GALNT6: variants seen among roughly 807,000 people sequenced by gnomAD.
GALNT6 encodes the protein polypeptide N-acetylgalactosaminyltransferase 6, also known as GalNAc transferase 6.
GALNT6 carries 51 observed loss-of-function variants against 65.9 expected under a neutral mutation model. That is an observed-to-expected ratio of 0.77 (90% CI 0.62 to 0.98). The LOEUF (loss-of-function observed/expected upper bound fraction) is 0.98. GALNT6 is among the 50% of genes least tolerant of loss of function. The pLI, the probability that GALNT6 is intolerant of heterozygous loss-of-function variation, is 0.00. For synonymous variants in GALNT6, 323 were observed against 315.1 expected (o/e 1.02, Z -0.26); for missense variants, 708 against 803.3 (o/e 0.88, Z 1.43).
intron 4 of GALNT6, among the ~76,000 whole-genome samples, chr12:51,372,475 C>A (rs186121297): frequency 6.6e-6 from 1 of 152,300 alleles, no homozygotes; most frequent in East Asian, 1.9e-4. Flanking sequence ...TCCCAAAGTG[C>A]TGGGATTACA....
intron 5 of GALNT6, among the ~76,000 whole-genome samples, chr12:51,364,814 T>C (rs1160141419): frequency 6.6e-6 from 1 of 152,264 alleles, no homozygotes; most frequent in Admixed American, 6.5e-5. Flanking sequence ...CTTCTGCACG[T>C]ATTATTACTT....
At chr12:51,388,014 T>G (rs1242077304) in intron 2 of GALNT6, among the ~76,000 whole-genome samples, 1 of 152,176 alleles carries the variant, frequency 6.6e-6, no homozygotes, top group Non-Finnish European at 1.5e-5. Flanking sequence ...CAGCCTCCTC[T>G]GCTAGCCAGC....
intron 4 of GALNT6, among the ~76,000 whole-genome samples, chr12:51,367,370 G>A (rs953800747): frequency 2.6e-5 from 4 of 152,214 alleles, no homozygotes; most frequent in African/African-American, 9.6e-5. Flanking sequence ...AGGAGGTGGA[G>A]GTTGCAGTGA....
In GALNT6 at chr12:51,379,703, G is replaced by A. The variant is rs759939179; in HGVS notation, c.79C>T (p.Leu27=). The A allele has an allele frequency of 2.5e-6, 4 of 1,614,054 alleles. No homozygotes were observed. The highest frequency in any genetic ancestry group is 3.4e-6 in the Non-Finnish European group (4 of 1,179,968). ...TCTCTGCTGCTCACATCCCTATGCA[G>A]GAGGAAGAGGAAGAGCACAAAGGCG... ...GCAFVLFLFL[L]HRDVSSREEA... is the part of the protein sequence containing the mutation. The change falls in exon 3 of 12, where the codon CTG becomes TTG. Residue 27 remains leucine (L), a synonymous_variant. Coordinates refer to ENST00000356317, the MANE Select transcript of GALNT6 (RefSeq NM_007210.4).
rs1947068624 is a variant in GALNT6, at chr12:51,365,453, A to G, written c.791T>C (p.Val264Ala). The G allele has an allele frequency of 5.0e-6, 8 of 1,610,398 alleles. No individual in the cohort carries two copies. The East Asian group carries it at 1.8e-4, about 36-fold the overall frequency. Reference sequence around the variant, plus strand: ...ACAGTGGGCATCCAGGAACGTGAGCACCTCCGCCTGTGCCACGCTGGCCCC... The same window carrying G: ...ACAGTGGGCATCCAGGAACGTGAGCGCCTCCGCCTGTGCCACGCTGGCCCC... ...LLGASVAQAE[V>A]LTFLDAHCEC... Residue 264 changes from valine (V) to alanine (A), a missense_variant, in exon 5 of 12, where the codon GTG becomes GCG. By Grantham distance (64) the Val-to-Ala change is moderately conservative (BLOSUM62 0). Transcript: ENST00000356317.
chr12:51,366,200 G>T (rs1003284341), intron 4 of GALNT6, among the ~76,000 whole-genome samples: 2 of 152,192 alleles, frequency 1.3e-5, no homozygotes, highest in African/African-American at 4.8e-5. Flanking sequence ...TTACAGGCAT[G>T]AGCCACCACG....
At chr12:51,356,341 A>G (rs1454567047) in intron 10 of GALNT6, among the ~76,000 whole-genome samples, 1 of 142,236 alleles carries the variant, frequency 7.0e-6, no homozygotes, top group East Asian at 2.1e-4. Flanking sequence ...GCGCCCAACC[A>G]GTATATTTTC....
chr12:51,379,806 G>A lies in GALNT6; in HGVS notation c.-25C>T, dbSNP rs767030708. ...TCCTCCAGAACCAAGGGGCACCCCAGCTGCGTCAGCTCTGAGTCCTGAGCC... is the reference window on the plus strand; with the variant it reads ...TCCTCCAGAACCAAGGGGCACCCCAACTGCGTCAGCTCTGAGTCCTGAGCC... On this transcript the variant is annotated 5_prime_UTR_variant, in exon 3 of 12. Coordinates refer to ENST00000356317, the MANE Select transcript of GALNT6 (RefSeq NM_007210.4). 3.2e-6 allele frequency: 5 copies of A among 1,580,920 alleles called. No individual in the cohort carries two copies. Among genetic ancestry groups the A allele is most frequent in the Non-Finnish European group, 4.3e-6 (5 of 1,168,092 alleles).
chr12:51,356,158 A>G (rs992454401), intron 10 of GALNT6, among the ~76,000 whole-genome samples, 200 bp from the exon 11 acceptor site: 1 of 151,070 alleles, frequency 6.6e-6, no homozygotes, highest in African/African-American at 2.4e-5. Flanking sequence ...ACATATATAT[A>G]TATGTGTGTG....
Position 51,360,816 on chromosome 12 carries a change from G to A in GALNT6, c.1072C>T (p.Leu358Phe), listed in dbSNP as rs1946900384. ...PIKSPTFAGG[L>F]FSISKSYFEH... ...AAGTAGGACTTGGAGATGGAGAAGAGGCCACCAGCAAACGTCGGGGATCTG... is the reference window on the plus strand; with the variant it reads ...AAGTAGGACTTGGAGATGGAGAAGAAGCCACCAGCAAACGTCGGGGATCTG... Residue 358 changes from leucine (L) to phenylalanine (F), a missense_variant, in exon 7 of 12, where the codon CTC (leucine) becomes TTC (phenylalanine). Physicochemically the swap from Leu to Phe is conservative, Grantham distance 22. Coordinates refer to ENST00000356317, the MANE Select transcript of GALNT6 (RefSeq NM_007210.4). 6.2e-7 allele frequency: 1 copy of A among 1,612,608 alleles called. No individual in the cohort carries two copies. Among genetic ancestry groups the A allele is most frequent in the African/African-American group, 1.3e-5 (1 of 74,890 alleles).
rs1002613489 is a variant in GALNT6, at chr12:51,365,519, C to T, written c.725G>A (p.Arg242Gln). The T allele has an allele frequency of 6.2e-6, 10 of 1,612,920 alleles. No homozygotes were observed. The South Asian group carries it at 7.7e-5, about 12-fold the overall frequency. Residue 242 changes from arginine (R) to glutamine (Q), a missense_variant, in exon 5 of 12, where the codon CGG becomes CAG. Arg to Gln is a conservative substitution (Grantham distance 43, BLOSUM62 1). Transcript: ENST00000356317. ...GATCAGCCCCTTCCGCTCCTCCTGC[C>T]GCACCACCCTCACCACCTGCAGCTG... is the stretch of plus-strand genomic sequence containing the variant. ...VKQLQVVRVV[R>Q]QEERKGLITA... is the part of the protein sequence containing the mutation.
In GALNT6 at chr12:51,358,268, A is replaced by G; in HGVS notation, c.1369-7T>C. 6.2e-7 allele frequency: 1 copy of G among 1,613,058 alleles called. No individual in the cohort carries two copies. Among genetic ancestry groups the G allele is most frequent in the East Asian group, 2.2e-5 (1 of 44,826 alleles). ...AAATGTCACCGAAGGATTTCTGTCA[A>G]TCAAGCCAGCCCCCTAAGGATCAGT... On this transcript the variant is annotated splice_region_variant and splice_polypyrimidine_tract_variant and intron_variant, in intron 8 of 11. Coordinates refer to ENST00000356317, the MANE Select transcript of GALNT6 (RefSeq NM_007210.4).
At chr12:51,383,606 A>C (rs565851278) in intron 2 of GALNT6, 14 of 152,236 alleles carry the variant, frequency 9.2e-5, no homozygotes, top group African/African-American at 3.1e-4. Context: ...TATAGGGTTA[A>C]ATTGAGCTCT....
chr12:51,364,321 C>G lies in GALNT6; in HGVS notation c.849G>C (p.Leu283=). 1 of 1,614,204 alleles carries G rather than the reference C, an allele frequency of 6.2e-7. No homozygotes were observed. Among genetic ancestry groups the G allele is most frequent in the East Asian group, 2.2e-5 (1 of 44,888 alleles). ...ECFHGWLEPL[L]ARIAEDKTVV... ...CTGTCTTGTCCTCAGCGATTCGAGCCAGGAGGGGCTCCAGCCAGCCGTGGA... is the reference window on the plus strand; with the variant it reads ...CTGTCTTGTCCTCAGCGATTCGAGCGAGGAGGGGCTCCAGCCAGCCGTGGA... The change falls in exon 6 of 12, where the codon CTG becomes CTC. Residue 283 remains leucine (L), a synonymous_variant. Coordinates refer to ENST00000356317, the MANE Select transcript of GALNT6 (RefSeq NM_007210.4).
intron 4 of GALNT6, among the ~76,000 whole-genome samples, chr12:51,367,933 G>A (rs1947162865): frequency 6.6e-6 from 1 of 152,164 alleles, no homozygotes; most frequent in Admixed American, 6.5e-5. Context: ...GGTGGCAGAA[G>A]CACAAAGGGC....
At chr12:51,378,888 C>CCCCCCG (rs1555180332) in intron 3 of GALNT6, among the ~76,000 whole-genome samples, 1 of 145,272 alleles carries the variant, frequency 6.9e-6, no homozygotes, top group East Asian at 2.4e-4. Flanking sequence ...GCCCACCCCC[C>CCCCCCG]CCCCAAACAG....
At chr12:51,354,609 G>A (rs1033945637) in intron 11 of GALNT6, 117 bp from the exon 12 acceptor site, 1 of 642,864 alleles carries the variant, frequency 1.6e-6, no homozygotes, top group Admixed American at 3.5e-5. Context: ...AAGGCACAAA[G>A]AGGACACTTC....
chr12:51,379,312 C>G lies in GALNT6; in HGVS notation c.470G>C (p.Gly157Ala). Residue 157 changes from glycine (G) to alanine (A), a missense_variant, in exon 3 of 12, where the codon GGG (glycine) becomes GCG (alanine). Physicochemically the swap from Gly to Ala is moderately conservative, Grantham distance 60 (BLOSUM62 0). Transcript: ENST00000356317. ...SDRISLQRSL[G>A]PDTRPPECVD... ...TTACTCAGGTGGTCGGGTGTCTGGC[C>G]CCAGGGACCTCTGCAGGGAGATCCG... The G allele has an allele frequency of 2.0e-6, 3 of 1,523,736 alleles. No individual in the cohort carries two copies. The highest frequency in any genetic ancestry group is 2.6e-6 in the Non-Finnish European group (3 of 1,139,078). The allele number at this position is 1,523,736 out of a possible 1,614,324, so 94.4% of individuals were successfully genotyped here. A position where few individuals can be genotyped will look rare whatever the true frequency, so the allele number is the denominator to read the frequency against.
In GALNT6 at chr12:51,354,473, G is replaced by A; in HGVS notation, c.1775C>T (p.Ser592Leu). Residue 592 changes from serine to leucine, a missense_variant, in exon 12 of 12, where the codon TCA becomes TTA. Transcript: ENST00000356317. ...ELAQDQLIRN[S>L]GSGTCLTSQD... Reference sequence around the variant, plus strand: ...GGATGTCAGGCAGGTACCAGATCCTGAGTTCCTGATGAGCTGATCCTAAAA... The same window carrying A: ...GGATGTCAGGCAGGTACCAGATCCTAAGTTCCTGATGAGCTGATCCTAAAA... The A allele has an allele frequency of 6.3e-7, 1 of 1,597,598 alleles. No homozygotes were observed. The highest frequency in any genetic ancestry group is 8.5e-7 in the Non-Finnish European group (1 of 1,172,632).
Sources: gnomAD v4.1 joint callset for allele counts (sites outside exome capture counted in the v4.1 genomes callset) on GRCh38, gnomAD v4.1.1 for gene constraint, MANE v1.5 for transcripts, NCBI Gene and HGNC (gene_info 2026-07-23, HGNC 2026-07-21) for gene names.